ACOT7: variants seen among roughly 807,000 people sequenced by gnomAD.
ACOT7 encodes cytosolic acyl coenzyme A thioester hydrolase.
A neutral mutation model predicts 40.2 loss-of-function variants in ACOT7; 12 were observed. The ratio of observed to expected loss-of-function variants is 0.30; its 90% CI spans 0.19 to 0.48. The LOEUF is 0.48. Ranked by LOEUF, ACOT7 falls within the 20% of genes least tolerant of loss-of-function variation. The probability of loss-of-function intolerance (pLI) is 0.99; values close to 1 mark genes in which losing one functional copy is unlikely to be tolerated. For synonymous variants in ACOT7, 228 were observed against 219.5 expected (o/e 1.04, Z -0.34); for missense variants, 395 against 530.8 (o/e 0.74, Z 2.51).
At chr1:6,269,446 C>T (rs922500588) in intron 8 of ACOT7, among the ~76,000 whole-genome samples, 15 of 152,238 alleles carry the variant, frequency 9.9e-5, no homozygotes, top group African/African-American at 3.6e-4. Flanking sequence ...CAAACCACTA[C>T]AGCTGCTCCC....
intron 6 of ACOT7, among the ~76,000 whole-genome samples, chr1:6,305,736 C>T (rs1640129273): frequency 6.7e-6 from 1 of 149,828 alleles, no homozygotes; most frequent in Non-Finnish European, 1.5e-5. Flanking sequence ...CTCCTCACAT[C>T]CCAGACGACG....
At chr1:6,390,841 TG>T (rs1437999497) in intron 1 of ACOT7, among the ~76,000 whole-genome samples, 1 of 148,032 alleles carries the variant, frequency 6.8e-6, no homozygotes, top group Non-Finnish European at 1.5e-5. Flanking sequence ...GAGGCTGAGG[TG>T]GAAGAATCGC....
In ACOT7 at chr1:6,318,535, C is replaced by G. The variant is rs746803028; in HGVS notation, c.669G>C (p.Leu223=). The stretch of plus-strand genomic sequence containing the variant: ...GCAGGGTGCAGTCTGAAGGCCCCAC[C>G]AGGTGGATCAAGCTGGACTGGCTGT... ...VSYSQSSLIH[L]VGPSDCTLHG... Residue 223 remains leucine (L), a synonymous_variant, in exon 6 of 9, where the codon CTG becomes CTC. Transcript: ENST00000361521. 1.2e-6 allele frequency: 2 copies of G among 1,614,036 alleles called. No homozygotes were observed. Among genetic ancestry groups the G allele is most frequent in the East Asian group, 2.2e-5 (1 of 44,896 alleles).
At chr1:6,316,393 G>A (rs1205454958) in intron 6 of ACOT7, among the ~76,000 whole-genome samples, 1 of 152,208 alleles carries the variant, frequency 6.6e-6, no homozygotes, top group Non-Finnish European at 1.5e-5. Flanking sequence ...CTGTTATAAA[G>A]CACAGCTTCC....
rs757823852 is a variant in ACOT7, at chr1:6,339,637, C to T, written c.262-48G>A. 58 of 1,595,472 alleles carry T rather than the reference C, an allele frequency of 3.6e-5. No homozygotes were observed. In the South Asian group the frequency reaches 4.6e-4, roughly 13 times the overall value. On this transcript the variant is annotated intron_variant, in intron 2 of 8. Coordinates refer to ENST00000361521, the MANE Select transcript of ACOT7 (RefSeq NM_007274.4). ...CAGCCCAGGTCAGCCAGCCCAGCCC[C>T]GAGAGCCCCACCCAGGACATGCCCC... is the stretch of plus-strand genomic sequence containing the variant.
At chr1:6,303,710 A>G (rs1323406971) in intron 6 of ACOT7, among the ~76,000 whole-genome samples, 4 of 152,198 alleles carry the variant, frequency 2.6e-5, no homozygotes, top group Non-Finnish European at 5.9e-5. Flanking sequence ...TAGTAATTAC[A>G]AGAGTTCTGA....
At chr1:6,272,225 G>C (rs1191448034) in intron 8 of ACOT7, among the ~76,000 whole-genome samples, 1 of 152,276 alleles carries the variant, frequency 6.6e-6, no homozygotes, top group East Asian at 1.9e-4. Context: ...AGGGGCACAG[G>C]AGGTGTTTGC....
intron 4 of ACOT7, among the ~76,000 whole-genome samples, chr1:6,331,315 C>G (rs551778251): frequency 2.0e-5 from 3 of 152,178 alleles, no homozygotes; most frequent in African/African-American, 7.2e-5. Flanking sequence ...CAGAATGGGA[C>G]GGGCCCTGAG....
chr1:6,291,009 T>A (rs1254373620), intron 7 of ACOT7, among the ~76,000 whole-genome samples: 1 of 152,142 alleles, frequency 6.6e-6, no homozygotes, highest in Non-Finnish European at 1.5e-5. Context: ...AGGTCCCACA[T>A]CCACAGAGAC....
At position 6,288,311 on chromosome 1, in the gene ACOT7, A is replaced by G. The variant is rs546832769; in HGVS notation, c.829+6553T>C. ...GGTGGGTGGGCACTTCCCATTTCCC[A>G]TGAGATCCAGTCGCACAGATGAAGC... On this transcript the variant is annotated intron_variant, in intron 7 of 8. Transcript: ENST00000361521. The surrounding 1 kb of genome is among the most constrained non-coding windows in gnomAD (Gnocchi z 4.3). Among the ~76,000 whole-genome samples, 1 of 152,156 alleles carries G rather than the reference A, an allele frequency of 6.6e-6. No homozygotes were observed. The highest frequency in any genetic ancestry group is 1.5e-5 in the Non-Finnish European group (1 of 68,020).
intron 4 of ACOT7, among the ~76,000 whole-genome samples, chr1:6,332,838 C>CAA (rs200601036): frequency 3.4e-5 from 5 of 146,212 alleles, no homozygotes; most frequent in African/African-American, 1.3e-4. Flanking sequence ...CAAAAAAAAA[C>CAA]AAAAAAAACA....
rs115043882 is a variant in ACOT7 at position 6,363,291 on chromosome 1, C to T, written c.144-13425G>A. On this transcript the variant is annotated intron_variant, in intron 1 of 8. Coordinates refer to ENST00000361521, the MANE Select transcript of ACOT7 (RefSeq NM_007274.4). ...GGAAGACGCCCGTTGCCAGGCAGAC[C>T]GTGGTTCCAGCAGTAGCGTCAGTGC... 9.9e-3 allele frequency among the ~76,000 whole-genome samples: 1,509 copies of T among 152,168 alleles called. 23 individuals are homozygous for T. Among genetic ancestry groups the T allele is most frequent in the African/African-American group, 0.034 (1,418 of 41,520 alleles).
At chr1:6,317,013 T>G (rs1441282538) in intron 6 of ACOT7, among the ~76,000 whole-genome samples, 5 of 152,058 alleles carry the variant, frequency 3.3e-5, no homozygotes, top group African/African-American at 1.2e-4. Context: ...TTGAGCTGGG[T>G]TTTGAAGGAT....
intron 1 of ACOT7, among the ~76,000 whole-genome samples, chr1:6,383,183 T>C (rs533196833): frequency 6.6e-6 from 1 of 150,590 alleles, no homozygotes; most frequent in African/African-American, 2.4e-5. Context: ...CCGGCTAAGA[T>C]GGCAGATTTT....
At chr1:6,305,633 C>T (rs1640124505) in intron 6 of ACOT7, among the ~76,000 whole-genome samples, 1 of 150,742 alleles carries the variant, frequency 6.6e-6, no homozygotes, top group African/African-American at 2.4e-5. Flanking sequence ...AGATGATGGG[C>T]GGCCGGGCAG....
rs550794695 is a variant in ACOT7 at position 6,371,610 on chromosome 1, G to A, written c.143+21647C>T. Among the ~76,000 whole-genome samples, 8 of 151,634 alleles carry A rather than the reference G, an allele frequency of 5.3e-5. No individual in the cohort carries two copies. The East Asian group carries it at 5.9e-4, about 11-fold the overall frequency. The stretch of plus-strand genomic sequence containing the variant: ...ACTCCTGACCTCAAGTGATCCACCC[G>A]CCTCAGCCTCCCAAAGTGCTGGGAT... On this transcript the variant is annotated intron_variant, in intron 1 of 8. Coordinates refer to ENST00000361521, the MANE Select transcript of ACOT7 (RefSeq NM_007274.4).
At chr1:6,332,872 G>A (rs1402061106) in intron 4 of ACOT7, among the ~76,000 whole-genome samples, 1 of 151,232 alleles carries the variant, frequency 6.6e-6, no homozygotes, top group Non-Finnish European at 1.5e-5. Context: ...AAAGAAAGAT[G>A]CTTCCAACCA....
intron 5 of ACOT7, among the ~76,000 whole-genome samples, chr1:6,325,687 C>T (rs1305619899): frequency 6.6e-6 from 1 of 152,172 alleles, no homozygotes; most frequent in African/African-American, 2.4e-5. Flanking sequence ...AACTCCTGTT[C>T]AAGCCTCAAG....
intron 5 of ACOT7, among the ~76,000 whole-genome samples, chr1:6,321,545 C>T (rs1182653221): frequency 2.0e-5 from 3 of 152,212 alleles, no homozygotes; most frequent in Non-Finnish European, 4.4e-5. Flanking sequence ...GACGGAGTCT[C>T]GCTCTGTCAC....
Sources: gnomAD v4.1 joint callset for allele counts (sites outside exome capture counted in the v4.1 genomes callset) on GRCh38, gnomAD v4.1.1 for gene constraint, Gnocchi (gnomAD v3.1) non-coding constraint, MANE v1.5 for transcripts, NCBI Gene and HGNC (gene_info 2026-07-23, HGNC 2026-07-21) for gene names.